The following FDFT1 variants were observed in gnomAD, a reference collection of about 807,000 sequenced individuals.
FDFT1 encodes farnesyl-diphosphate farnesyltransferase 1.
FDFT1 carries 68 observed loss-of-function variants against 46.8 expected under a neutral mutation model. That is an observed-to-expected ratio of 1.45 (90% CI 1.19 to 1.78). FDFT1 has a LOEUF of 1.78. Ranked by LOEUF, FDFT1 falls within the 40% of genes most tolerant of loss-of-function variation. The pLI, the probability that FDFT1 is intolerant of heterozygous loss-of-function variation, is 0.00. For synonymous variants in FDFT1, 351 were observed against 185.1 expected (o/e 1.90, Z -7.28); for missense variants, 928 against 524.4 (o/e 1.77, Z -7.52).
At chr8:11,832,978 C>T (rs1037820361) in intron 7 of FDFT1, among the ~76,000 whole-genome samples, 3 of 152,114 alleles carry the variant, frequency 2.0e-5, no homozygotes, top group African/African-American at 7.2e-5. Flanking sequence ...TACAAAATAG[C>T]GATTTCTGAT....
chr8:11,821,714 T>C, intron 3 of FDFT1, 36 bp from the exon 4 acceptor site: 1 of 1,609,218 alleles, frequency 6.2e-7, no homozygotes, highest in African/African-American at 1.3e-5. Context: ...CTGTACATAT[T>C]TCATGATTTC....
At chr8:11,805,858 A>G (rs1166554547) in intron 1 of FDFT1, among the ~76,000 whole-genome samples, 1 of 152,234 alleles carries the variant, frequency 6.6e-6, no homozygotes, top group Non-Finnish European at 1.5e-5. Flanking sequence ...AGGTCTTGCC[A>G]CAGATGTTTC....
intron 3 of FDFT1, among the ~76,000 whole-genome samples, chr8:11,810,234 C>G (rs540263498): frequency 1.3e-5 from 2 of 152,186 alleles, no homozygotes; most frequent in African/African-American, 2.4e-5. Flanking sequence ...TGTGGGAAGA[C>G]GCAGTCAAAT....
At position 11,831,646 on chromosome 8, in the gene FDFT1, C is replaced by G. The variant is rs745323379; in HGVS notation, c.1008C>G (p.Ala336=). The G allele has an allele frequency of 3.7e-6, 6 of 1,613,800 alleles. No individual in the cohort carries two copies. Among genetic ancestry groups the G allele is most frequent in the Non-Finnish European group, 5.1e-6 (6 of 1,179,796 alleles). ...CCACCAATATGCCAGCTGTCAAAGC[C>G]ATCATATATCAGTATATGGAAGAGG... ...MDATNMPAVK[A]IIYQYMEEIY... Residue 336 remains alanine (A), a synonymous_variant, in exon 7 of 8, where the codon GCC becomes GCG. Coordinates refer to ENST00000220584, the MANE Select transcript of FDFT1 (RefSeq NM_004462.5).
intron 4 of FDFT1, among the ~76,000 whole-genome samples, chr8:11,822,496 G>T (rs936406046): frequency 4.6e-5 from 7 of 152,162 alleles, no homozygotes; most frequent in Admixed American, 3.3e-4. Flanking sequence ...AGCATACAAT[G>T]ACTGCTAGAA....
At chr8:11,815,807 A>G (rs1004644231) in intron 3 of FDFT1, among the ~76,000 whole-genome samples, 3 of 152,190 alleles carry the variant, frequency 2.0e-5, no homozygotes, top group Non-Finnish European at 1.5e-5. Context: ...ATTTTCTCCT[A>G]TTCTGTAGGT....
chr8:11,824,221 G>A (rs891711787), intron 4 of FDFT1, among the ~76,000 whole-genome samples: 1 of 151,498 alleles, frequency 6.6e-6, no homozygotes, highest in Non-Finnish European at 1.5e-5. Context: ...TGCTTCTTAA[G>A]TTAACTAATA....
chr8:11,802,201 G>A, upstream of FDFT1: 2 of 418,764 alleles, frequency 4.8e-6, no homozygotes, highest in South Asian at 3.4e-5. Flanking sequence ...CTGTGCTCGG[G>A]TGTGTTACAG....
chr8:11,831,696 T>G, intron 7 of FDFT1, 26 bp downstream of exon 7: 1 of 1,582,032 alleles, frequency 6.3e-7, no homozygotes. Context: ...ACTACTTGGA[T>G]AATTTGTAGC....
upstream of FDFT1, among the ~76,000 whole-genome samples, chr8:11,799,499 T>A (rs922344696): frequency 3.3e-5 from 5 of 152,240 alleles, no homozygotes; most frequent in Non-Finnish European, 7.3e-5. Context: ...GGGTATCTTA[T>A]TGCCACAGAG....
At chr8:11,797,132 T>C (rs1020789641) in intron 1 of FDFT1, among the ~76,000 whole-genome samples, 2 of 152,170 alleles carry the variant, frequency 1.3e-5, no homozygotes, top group Non-Finnish European at 2.9e-5. Context: ...GGCAAACTGG[T>C]GGGCGTGTCT....
intron 7 of FDFT1, among the ~76,000 whole-genome samples, chr8:11,837,008 G>A (rs1811630577): frequency 6.7e-6 from 1 of 149,576 alleles, no homozygotes; most frequent in Non-Finnish European, 1.5e-5. Flanking sequence ...CCACGTAAGT[G>A]GAAAGGTAAA....
At chr8:11,816,457 G>T (rs1443463129) in intron 3 of FDFT1, among the ~76,000 whole-genome samples, 1 of 152,166 alleles carries the variant, frequency 6.6e-6, no homozygotes. Flanking sequence ...ATTACCTTGG[G>T]CAGTATAGCC....
At chr8:11,796,927 C>T (rs1805616700) in intron 1 of FDFT1, among the ~76,000 whole-genome samples, 1 of 152,216 alleles carries the variant, frequency 6.6e-6, no homozygotes, top group African/African-American at 2.4e-5. Context: ...AGGGCTGCTC[C>T]GCAGGCAGTG....
At chr8:11,836,028 C>G (rs1017954872) in intron 7 of FDFT1, among the ~76,000 whole-genome samples, 1 of 144,736 alleles carries the variant, frequency 6.9e-6, no homozygotes, top group South Asian at 2.2e-4. Flanking sequence ...TGGCAGGTGC[C>G]TGTAATCCCA....
chr8:11,805,077 G>A lies in FDFT1; in HGVS notation c.99+2146G>A, dbSNP rs148052097. On this transcript the variant is annotated intron_variant, in intron 1 of 7. Transcript: ENST00000220584. ...CTCCAGGCACGTGTCACCAATGCAT[G>A]GCTAATTTTTAAATTTTTTTGTAGA... 1.5e-3 allele frequency among the ~76,000 whole-genome samples: 145 copies of A among 95,808 alleles called. No homozygotes were observed. In the East Asian group the frequency reaches 0.024, roughly 16 times the overall value. 62.9% of individuals were successfully genotyped at this position (95,808 alleles called of 152,430 possible).
At chr8:11,809,610 A>G (rs1277382170) in intron 2 of FDFT1, 57 bp from the exon 3 acceptor site, 30 of 1,500,898 alleles carry the variant, frequency 2.0e-5, no homozygotes, top group Non-Finnish European at 2.7e-5. Flanking sequence ...GTTATTTTAA[A>G]ATAAAAAATC....
At chr8:11,801,187 A>G (rs1192427590), upstream of FDFT1, among the ~76,000 whole-genome samples, 3 of 152,192 alleles carry the variant, frequency 2.0e-5, no homozygotes, top group East Asian at 1.9e-4. Context: ...GGCCAGAGAA[A>G]GCAAAAGCAT....
At chr8:11,801,855 G>A (rs1283416322), upstream of FDFT1, 5 of 419,514 alleles carry the variant, frequency 1.2e-5, no homozygotes, top group East Asian at 7.1e-5. Flanking sequence ...CACCACACTC[G>A]GCTTTTTTGT....
Sources: allele counts gnomAD v4.1 joint callset (sites outside exome capture counted in the v4.1 genomes callset), GRCh38; gene constraint gnomAD v4.1.1; transcripts MANE v1.5; gene names NCBI Gene and HGNC (gene_info 2026-07-23, HGNC 2026-07-21).